NIPAL4: variants seen among roughly 807,000 people sequenced by gnomAD.
The protein encoded by NIPAL4 is magnesium transporter NIPA4.
A neutral mutation model predicts 31.6 loss-of-function variants in NIPAL4; 21 were observed. The ratio of observed to expected loss-of-function variants is 0.67; its 90% CI spans 0.47 to 0.96. The LOEUF (loss-of-function observed/expected upper bound fraction) is 0.96, where lower values mean the gene tolerates loss of function less well. Ranked by LOEUF, NIPAL4 falls within the 40% of genes least tolerant of loss-of-function variation. The pLI, the probability that NIPAL4 is intolerant of heterozygous loss-of-function variation, is 0.00. For synonymous variants in NIPAL4, 175 were observed against 211.1 expected (o/e 0.83, Z 1.48); for missense variants, 438 against 508.0 (o/e 0.86, Z 1.32).
At chr5:157,462,184 C>T (rs1754128386) in intron 1 of NIPAL4, among the ~76,000 whole-genome samples, 1 of 152,180 alleles carries the variant, frequency 6.6e-6, no homozygotes, top group Non-Finnish European at 1.5e-5. Flanking sequence ...CCAGATAAGA[C>T]TCTTGGGGAA....
chr5:157,464,897 T>G (rs898488779), intron 2 of NIPAL4, among the ~76,000 whole-genome samples: 1 of 152,162 alleles, frequency 6.6e-6, no homozygotes, highest in Admixed American at 6.5e-5. Flanking sequence ...ATCTATAAAA[T>G]GGAGATAAGA....
chr5:157,461,317 C>T (rs1754098856), intron 1 of NIPAL4, among the ~76,000 whole-genome samples: 2 of 152,246 alleles, frequency 1.3e-5, no homozygotes, highest in Non-Finnish European at 2.9e-5. Flanking sequence ...TTACTTTGGC[C>T]ATCAGCCCTC....
At position 157,471,704 on chromosome 5, in the gene NIPAL4, G is replaced by C; in HGVS notation, c.473G>C (p.Gly158Ala). The C allele has an allele frequency of 1.2e-6, 2 of 1,608,290 alleles. No individual in the cohort carries two copies. Among genetic ancestry groups the C allele is most frequent in the Non-Finnish European group, 1.7e-6 (2 of 1,177,270 alleles). Residue 158 changes from glycine (G) to alanine (A), a missense_variant, in exon 5 of 6, where the codon GGG becomes GCG. Physicochemically the swap from Gly to Ala is moderately conservative, Grantham distance 60. Coordinates refer to ENST00000311946, the MANE Select transcript of NIPAL4 (RefSeq NM_001099287.2). ...YFLRESLNLL[G>A]KLGCVICVAG... ...CTGAGGGAGAGTCTGAACCTGCTGG[G>C]GAAGCTGGGCTGTGTGATCTGTGTG...
chr5:157,464,305 G>A (rs1660455115), intron 2 of NIPAL4, among the ~76,000 whole-genome samples: 1 of 152,202 alleles, frequency 6.6e-6, no homozygotes, highest in African/African-American at 2.4e-5. Flanking sequence ...GGTGCATGGT[G>A]AGTGAAGGGC....
intron 1 of NIPAL4, 139 bp from the exon 2 acceptor site, chr5:157,462,955 T>G (rs114432814): frequency 9.5e-6 from 10 of 1,053,550 alleles, no homozygotes; most frequent in African/African-American, 8.0e-5. Flanking sequence ...AACATAATTA[T>G]TTTTAGGTGG....
Position 157,463,482 on chromosome 5 carries a change from T to C in NIPAL4, c.277+149T>C, listed in dbSNP as rs1338854696. 2.9e-5 allele frequency: 28 copies of C among 978,574 alleles called. 1 individual carries two copies. The highest frequency in any genetic ancestry group is 3.9e-5 in the Non-Finnish European group (27 of 694,152). 60.6% of individuals were successfully genotyped at this position (978,574 alleles called of 1,614,324 possible). A position where few individuals can be genotyped will look rare whatever the true frequency, so the allele number is the denominator to read the frequency against. ...ATCCCACCTGCCAACAGGGTTAGGGTTTAGGGTTATAAAGGAAGGCCTCCA... is the reference window on the plus strand; with the variant it reads ...ATCCCACCTGCCAACAGGGTTAGGGCTTAGGGTTATAAAGGAAGGCCTCCA... On this transcript the variant is annotated intron_variant, in intron 2 of 5. Transcript: ENST00000311946.
Position 157,472,832 on chromosome 5 carries a change from C to A in NIPAL4, c.1087C>A (p.Pro363Thr). ...ASLPHMHKNPPPSPAPEPTVI... is the reference protein window; with the variant it reads ...ASLPHMHKNPTPSPAPEPTVI... ...CTTGCCCCACATGCACAAAAACCCACCCCCTTCTCCCGCCCCGGAACCCAC... is the reference window on the plus strand; with the variant it reads ...CTTGCCCCACATGCACAAAAACCCAACCCCTTCTCCCGCCCCGGAACCCAC... The change falls in exon 6 of 6, where the codon CCC (proline) becomes ACC (threonine). Residue 363 changes from proline (P) to threonine (T), a missense_variant. Transcript: ENST00000311946. 1.3e-6 allele frequency: 2 copies of A among 1,591,936 alleles called. No homozygotes were observed. The highest frequency in any genetic ancestry group is 1.7e-6 in the Non-Finnish European group (2 of 1,166,300).
In NIPAL4 at chr5:157,462,711, T is replaced by C. The variant is rs140772393; in HGVS notation, c.38-383T>C. Among the ~76,000 whole-genome samples, 783 of 152,346 alleles carry C rather than the reference T, an allele frequency of 5.1e-3. 6 individuals carry two copies. Among genetic ancestry groups the C allele is most frequent in the Middle Eastern group, 0.017 (5 of 294 alleles). On this transcript the variant is annotated intron_variant, in intron 1 of 5. Transcript: ENST00000311946. ...TCAACTAAAAGCCTATAAAAGATTG[T>C]TGTGCCTGCTTCCAAGTGGTCATTA...
chr5:157,471,528 C>A, intron 4 of NIPAL4, 129 bp from the exon 5 acceptor site: 1 of 702,872 alleles, frequency 1.4e-6, no homozygotes, highest in Non-Finnish European at 2.3e-6. Context: ...TGGAAGAAAA[C>A]CTTCCACGTG....
intron 5 of NIPAL4, 43 bp from the exon 6 acceptor site, chr5:157,472,289 C>A (rs1287011875): frequency 4.5e-6 from 7 of 1,557,980 alleles, no homozygotes; most frequent in Non-Finnish European, 6.1e-6. Flanking sequence ...ACATTGCCTG[C>A]ACCCTCCACA....
intron 2 of NIPAL4, 116 bp from the exon 3 acceptor site, chr5:157,466,933 G>A (rs1042902640): frequency 4.0e-6 from 3 of 751,916 alleles, no homozygotes; most frequent in Non-Finnish European, 4.7e-6. Flanking sequence ...AGAAGGCCCA[G>A]AACCAAGCCT....
intron 2 of NIPAL4, among the ~76,000 whole-genome samples, chr5:157,465,224 C>A (rs1754220214): frequency 6.6e-6 from 1 of 152,178 alleles, no homozygotes; most frequent in Non-Finnish European, 1.5e-5. Flanking sequence ...AGAGACCTTC[C>A]AGAGTGCCAG....
chr5:157,462,595 G>C (rs1754138671), intron 1 of NIPAL4, among the ~76,000 whole-genome samples: 1 of 152,232 alleles, frequency 6.6e-6, no homozygotes, highest in Non-Finnish European at 1.5e-5. Context: ...TTTGGCATCA[G>C]ATAAGCTTAG....
intron 1 of NIPAL4, among the ~76,000 whole-genome samples, chr5:157,462,322 G>A (rs926500291): frequency 1.3e-5 from 2 of 152,076 alleles, no homozygotes; most frequent in Admixed American, 1.3e-4. Context: ...GAATTTTCAT[G>A]GAAAATCTCC....
chr5:157,471,237 T>G (rs4704868), intron 4 of NIPAL4, among the ~76,000 whole-genome samples: 5 of 152,008 alleles, frequency 3.3e-5, no homozygotes, highest in African/African-American at 1.2e-4. Flanking sequence ...CCTGGCCAAG[T>G]TGCTTAACCT....
chr5:157,464,065 GA>G (rs1754186786), intron 2 of NIPAL4, among the ~76,000 whole-genome samples: 1 of 152,054 alleles, frequency 6.6e-6, no homozygotes, highest in African/African-American at 2.4e-5. Context: ...TGCTATGGGG[GA>G]ATATTTTGGA....
rs371119672 is a variant in NIPAL4 at position 157,471,869 on chromosome 5, C to A, written c.586+52C>A. 2.1e-3 allele frequency: 3,013 copies of A among 1,405,134 alleles called. 6 individuals are homozygous for A. Among genetic ancestry groups the A allele is most frequent in the Non-Finnish European group, 2.8e-3 (2,864 of 1,012,850 alleles). The allele number at this position is 1,405,134 out of a possible 1,614,324, so 87.0% of individuals were successfully genotyped here. ...GAAAATACTGGAGGTTGAACACCCC[C>A]TACTACCCCACAAAAGGTCAGGTTG... On this transcript the variant is annotated intron_variant, in intron 5 of 5. Coordinates refer to ENST00000311946, the MANE Select transcript of NIPAL4 (RefSeq NM_001099287.2).
chr5:157,471,592 A>AT (rs1754436479), intron 4 of NIPAL4, 65 bp from the exon 5 acceptor site: 6 of 1,352,194 alleles, frequency 4.4e-6, no homozygotes, highest in Non-Finnish European at 6.1e-6. Context: ...CTCAGGCCCC[A>AT]TTTTCTTTGG....
rs530064893 is a variant in NIPAL4, at chr5:157,467,142, T to C, written c.334+37T>C. On this transcript the variant is annotated intron_variant, in intron 3 of 5. Transcript: ENST00000311946. Reference sequence around the variant, plus strand: ...GTTTGTTACTAATAACAGTGGCCTATTGATAGCAGGGCTGGAGACAAAGGG... The same window carrying C: ...GTTTGTTACTAATAACAGTGGCCTACTGATAGCAGGGCTGGAGACAAAGGG... 6.8e-6 allele frequency: 10 copies of C among 1,472,186 alleles called. No homozygotes were observed. In the South Asian group the frequency reaches 9.1e-5, roughly 13 times the overall value. 91.2% of individuals were successfully genotyped at this position (1,472,186 alleles called of 1,614,324 possible). A position where few individuals can be genotyped will look rare whatever the true frequency, so the allele number is the denominator to read the frequency against.
Sources: allele counts gnomAD v4.1 joint callset (sites outside exome capture counted in the v4.1 genomes callset), GRCh38; gene constraint gnomAD v4.1.1; transcripts MANE v1.5; gene names NCBI Gene and HGNC (gene_info 2026-07-23, HGNC 2026-07-21).